The following FAT3 variants were observed in gnomAD, a reference collection of about 807,000 sequenced individuals.
FAT3 encodes the protein FAT atypical cadherin 3, also known as protocadherin Fat 3.
A neutral mutation model predicts 310.2 loss-of-function variants in FAT3; 95 were observed. The observed-to-expected ratio is 0.31, with a 90% CI of 0.26 to 0.36. The LOEUF is 0.36. Ranked by LOEUF, FAT3 falls within the 10% of genes least tolerant of loss-of-function variation. FAT3 has a pLI of 1.00. For missense variants in FAT3, 5,408 were observed against 5,715.6 expected (o/e 0.95, Z 1.74); for synonymous variants, 2,314 against 2,192.9 (o/e 1.06, Z -1.54).
chr11:92,695,027 G>A (rs576709761), intron 3 of FAT3, among the ~76,000 whole-genome samples: 16 of 152,236 alleles, frequency 1.1e-4, no homozygotes, highest in African/African-American at 3.6e-4. Context: ...GCGATGTGCT[G>A]CCCTTTATTC....
At chr11:92,644,718 C>A (rs776783375) in intron 3 of FAT3, among the ~76,000 whole-genome samples, 1 of 152,228 alleles carries the variant, frequency 6.6e-6, no homozygotes, top group African/African-American at 2.4e-5. Context: ...GCTTGTTATG[C>A]GCACTGCTGC....
At chr11:92,598,236 T>A (rs1222529667) in intron 3 of FAT3, among the ~76,000 whole-genome samples, 24 of 141,862 alleles carry the variant, frequency 1.7e-4, no homozygotes, top group African/African-American at 6.3e-4. Flanking sequence ...ATATATTTTT[T>A]TTTTTTTTGA....
intron 19 of FAT3, among the ~76,000 whole-genome samples, chr11:92,852,418 A>G (rs1948855423): frequency 6.6e-6 from 1 of 152,156 alleles, no homozygotes; most frequent in Admixed American, 6.5e-5. Context: ...TTGAGCCACA[A>G]GAGAGTGGGC....
At chr11:92,279,511 G>A (rs1157323267) in intron 1 of FAT3, among the ~76,000 whole-genome samples, 6 of 152,040 alleles carry the variant, frequency 3.9e-5, no homozygotes, top group African/African-American at 1.2e-4. Flanking sequence ...TCACACATGT[G>A]TGAGTGCATG....
chr11:92,446,999 C>G (rs1452258338), intron 2 of FAT3, among the ~76,000 whole-genome samples: 1 of 152,066 alleles, frequency 6.6e-6, no homozygotes, highest in Non-Finnish European at 1.5e-5. Context: ...TATAAGCATT[C>G]TGAGGTTGAT....
At chr11:92,641,992 T>C (rs1044290213) in intron 3 of FAT3, among the ~76,000 whole-genome samples, 28 of 152,236 alleles carry the variant, frequency 1.8e-4, no homozygotes, top group Non-Finnish European at 3.7e-4. Flanking sequence ...TAGAAGCCGT[T>C]TGAGGAAGTC....
chr11:92,518,171 C>G (rs961895691), intron 2 of FAT3, among the ~76,000 whole-genome samples: 2 of 152,038 alleles, frequency 1.3e-5, no homozygotes, highest in Non-Finnish European at 2.9e-5. Flanking sequence ...TGTGTATATA[C>G]CCAAAGGATT....
intron 2 of FAT3, among the ~76,000 whole-genome samples, chr11:92,509,650 G>T (rs1365827284): frequency 1.3e-5 from 2 of 152,106 alleles, no homozygotes; most frequent in South Asian, 4.1e-4. Flanking sequence ...CATCACTACA[G>T]TCATTAAAAA....
intron 3 of FAT3, among the ~76,000 whole-genome samples, chr11:92,641,246 ATCTC>A (rs1432281962): frequency 6.6e-6 from 1 of 152,040 alleles, no homozygotes; most frequent in Non-Finnish European, 1.5e-5. Context: ...CTCTCAATAT[ATCTC>A]TCTCTCCCCA....
At chr11:92,793,101 C>A in intron 9 of FAT3, 124 bp downstream of exon 9, 2 of 956,226 alleles carry the variant, frequency 2.1e-6, no homozygotes, top group Non-Finnish European at 3.1e-6. Flanking sequence ...CTTTTTTGGC[C>A]AAGCCGCTGT....
intron 21 of FAT3, among the ~76,000 whole-genome samples, chr11:92,865,271 C>G (rs573457622): frequency 6.6e-6 from 1 of 152,144 alleles, no homozygotes; most frequent in Non-Finnish European, 1.5e-5. Context: ...AAATACGTGA[C>G]GTGTGAGAAT....
intron 1 of FAT3, among the ~76,000 whole-genome samples, chr11:92,304,065 C>G (rs1947062781): frequency 6.6e-6 from 1 of 152,122 alleles, no homozygotes; most frequent in African/African-American, 2.4e-5. Context: ...AGTTTTCAAT[C>G]TACTGTGTAA....
chr11:92,663,860 A>C lies in FAT3; in HGVS notation c.3608-33524A>C, dbSNP rs1942871602. Among the ~76,000 whole-genome samples, 3 of 152,288 alleles carry C rather than the reference A, an allele frequency of 2.0e-5. No individual in the cohort carries two copies. The South Asian group carries it at 6.2e-4, about 32-fold the overall frequency. On this transcript the variant is annotated intron_variant, in intron 3 of 27. Coordinates refer to ENST00000525166, the MANE Select transcript of FAT3 (RefSeq NM_001367949.2). Reference sequence around the variant, plus strand: ...TGCCAGTTATTGTTTGAAAATAGAGATGAGCTTATGTAACTTTTAGCATCT... The same window carrying C: ...TGCCAGTTATTGTTTGAAAATAGAGCTGAGCTTATGTAACTTTTAGCATCT...
At chr11:92,289,377 T>C (rs2134388981) in intron 1 of FAT3, among the ~76,000 whole-genome samples, 1 of 151,936 alleles carries the variant, frequency 6.6e-6, no homozygotes, top group Admixed American at 6.6e-5. Flanking sequence ...GCATCTAAAA[T>C]GTCACATGTC....
chr11:92,591,963 C>T (rs1939446078), intron 3 of FAT3, among the ~76,000 whole-genome samples: 1 of 152,096 alleles, frequency 6.6e-6, no homozygotes. Flanking sequence ...TGACTTTGTG[C>T]ATTTGTCAAA....
rs766972438 is a variant in FAT3, at chr11:92,798,510, A to G, written c.5497A>G (p.Ile1833Val). Reference protein sequence around the residue: ...FFTVDSSTGAIRTIANLDHET... With the variant: ...FFTVDSSTGAVRTIANLDHET... The stretch of plus-strand genomic sequence containing the variant: ...CACGGTGGACTCCAGTACAGGTGCA[A>G]TCAGAACAATTGCCAACCTGGACCA... Residue 1833 changes from isoleucine (I) to valine (V), a missense_variant, in exon 10 of 28, where the codon ATC (isoleucine) becomes GTC (valine). Physicochemically the swap from Ile to Val is conservative, Grantham distance 29. Transcript: ENST00000525166. The G allele has an allele frequency of 2.5e-6, 4 of 1,613,832 alleles. No homozygotes were observed. Among genetic ancestry groups the G allele is most frequent in the East Asian group, 2.2e-5 (1 of 44,830 alleles).
intron 22 of FAT3, among the ~76,000 whole-genome samples, chr11:92,875,103 GTTAA>G (rs530076561): frequency 8.3e-4 from 125 of 151,132 alleles, no homozygotes; most frequent in Admixed American, 3.8e-3. Flanking sequence ...GTGAGAACAG[GTTAA>G]TTTTCATAAA....
chr11:92,593,887 C>T (rs1478062015), intron 3 of FAT3, among the ~76,000 whole-genome samples: 3 of 152,114 alleles, frequency 2.0e-5, no homozygotes, highest in African/African-American at 4.8e-5. Flanking sequence ...TGTTATAAAG[C>T]GTTATTTCAG....
intron 1 of FAT3, among the ~76,000 whole-genome samples, chr11:92,267,133 G>C (rs1945984541): frequency 6.6e-6 from 1 of 151,902 alleles, no homozygotes; most frequent in African/African-American, 2.4e-5. Flanking sequence ...TATTGAAAAT[G>C]CTTACTCAAA....
Sources: gnomAD v4.1 joint callset for allele counts (sites outside exome capture counted in the v4.1 genomes callset) on GRCh38, gnomAD v4.1.1 for gene constraint, MANE v1.5 for transcripts, NCBI Gene and HGNC (gene_info 2026-07-23, HGNC 2026-07-21) for gene names.